Variants in ATP6V1A observed in about 807,000 individuals in gnomAD.
The protein encoded by ATP6V1A is V-type proton ATPase catalytic subunit A.
Under a neutral mutation model 70.1 loss-of-function variants are expected in ATP6V1A, and 18 were observed. The ratio of observed to expected loss-of-function variants is 0.26; its 90% CI spans 0.18 to 0.38. The LOEUF is 0.38. Ranked by LOEUF, ATP6V1A falls within the 10% of genes least tolerant of loss-of-function variation. The pLI is 1.00. For synonymous variants in ATP6V1A, 232 were observed against 253.8 expected (o/e 0.91, Z 0.82); for missense variants, 424 against 772.4 (o/e 0.55, Z 5.35).
At chr3:113,795,839 AT>A (rs774994951) in intron 10 of ATP6V1A, 36 bp from the exon 11 acceptor site, 95 of 1,519,376 alleles carry the variant, frequency 6.3e-5, no homozygotes, top group South Asian at 1.8e-4. Flanking sequence ...TCTAATGACC[AT>A]TTTTTTTGTA....
intron 1 of ATP6V1A, among the ~76,000 whole-genome samples, chr3:113,762,580 T>G (rs1348892765): frequency 6.7e-6 from 1 of 150,030 alleles, no homozygotes; most frequent in African/African-American, 2.4e-5. Context: ...AAAAAAAAAA[T>G]GGTAAAGTCA....
chr3:113,789,913 A>G, intron 8 of ATP6V1A, 73 bp downstream of exon 8: 1 of 1,133,826 alleles, frequency 8.8e-7, no homozygotes, highest in Non-Finnish European at 1.3e-6. Context: ...ACTTTTCTAA[A>G]GAGCTTTTTA....
At chr3:113,771,429 C>CTT (rs772278685) in intron 1 of ATP6V1A, among the ~76,000 whole-genome samples, 61 of 112,598 alleles carry the variant, frequency 5.4e-4, no homozygotes, top group African/African-American at 1.1e-3. Flanking sequence ...ATATTTTTCT[C>CTT]TTTTTTTTTT....
At chr3:113,780,956 A>G in intron 2 of ATP6V1A, 94 bp from the exon 3 acceptor site, 1 of 1,465,370 alleles carries the variant, frequency 6.8e-7, no homozygotes. Context: ...TGAGAGAGGC[A>G]CAATACTGGG....
At chr3:113,766,298 C>CT (rs1192756742) in intron 1 of ATP6V1A, among the ~76,000 whole-genome samples, 5 of 151,510 alleles carry the variant, frequency 3.3e-5, no homozygotes, top group Non-Finnish European at 7.4e-5. Flanking sequence ...CTCTCTCTTT[C>CT]TTTTTTTCGC....
Position 113,767,852 on chromosome 3 carries a change from C to T in ATP6V1A, c.-13-10889C>T, listed in dbSNP as rs187069295. Reference sequence around the variant, plus strand: ...ATTTTTAGTAGAGAGAGGGTTTCACCATCTTGGCCAGGCAAGTCTTGAACT... The same window carrying T: ...ATTTTTAGTAGAGAGAGGGTTTCACTATCTTGGCCAGGCAAGTCTTGAACT... On this transcript the variant is annotated intron_variant, in intron 1 of 14. Transcript: ENST00000273398. Among the ~76,000 whole-genome samples, 93 of 152,234 alleles carry T rather than the reference C, an allele frequency of 6.1e-4. 1 individual carries two copies. Among genetic ancestry groups the T allele is most frequent in the Non-Finnish European group, 7.9e-4 (54 of 68,008 alleles).
chr3:113,749,352 A>T (rs1036970857), intron 1 of ATP6V1A, among the ~76,000 whole-genome samples: 1 of 151,792 alleles, frequency 6.6e-6, no homozygotes, highest in South Asian at 2.1e-4. Flanking sequence ...TTATCAGTTT[A>T]TGAGTGTTAC....
intron 6 of ATP6V1A, 24 bp downstream of exon 6, chr3:113,786,407 A>G (rs1461248200): frequency 3.1e-6 from 5 of 1,610,920 alleles, no homozygotes; most frequent in Non-Finnish European, 4.2e-6. Context: ...GTGTCCCACG[A>G]TTTTCCCTCA....
At chr3:113,755,431 CAA>C (rs1184456240) in intron 1 of ATP6V1A, among the ~76,000 whole-genome samples, 41 of 38,066 alleles carry the variant, frequency 1.1e-3, no homozygotes, top group African/African-American at 2.6e-3. Flanking sequence ...CATGTCTGTA[CAA>C]AAAAAAAAAA....
intron 1 of ATP6V1A, 115 bp from the exon 2 acceptor site, chr3:113,778,625 TA>T: frequency 2.0e-6 from 1 of 509,534 alleles, no homozygotes; most frequent in Non-Finnish European, 3.3e-6. Flanking sequence ...AGAAGTATAA[TA>T]ACTCAAGAAT....
intron 12 of ATP6V1A, among the ~76,000 whole-genome samples, chr3:113,801,611 T>G (rs1709212800): frequency 2.0e-5 from 3 of 152,008 alleles, no homozygotes; most frequent in Admixed American, 6.6e-5. Flanking sequence ...TTTGTGATGG[T>G]GGGGAATTGG....
chr3:113,771,659 G>C (rs992233733), intron 1 of ATP6V1A, among the ~76,000 whole-genome samples: 8 of 151,912 alleles, frequency 5.3e-5, no homozygotes, highest in African/African-American at 1.7e-4. Context: ...GGATGGTCTC[G>C]ATCTCCTGAC....
intron 3 of ATP6V1A, 69 bp from the exon 4 acceptor site, chr3:113,784,155 A>G: frequency 7.0e-7 from 1 of 1,424,008 alleles, no homozygotes; most frequent in Non-Finnish European, 9.8e-7. Context: ...TCCTTGTTAA[A>G]CTGTGGTATT....
At chr3:113,772,809 A>T (rs532662930) in intron 1 of ATP6V1A, among the ~76,000 whole-genome samples, 1 of 151,864 alleles carries the variant, frequency 6.6e-6, no homozygotes, top group East Asian at 1.9e-4. Context: ...ATTATGAAAG[A>T]TGTGGTAAGA....
intron 8 of ATP6V1A, among the ~76,000 whole-genome samples, chr3:113,790,514 G>A (rs1389661269): frequency 6.6e-6 from 1 of 151,886 alleles, no homozygotes; most frequent in South Asian, 2.1e-4. Context: ...TATTTTGTCT[G>A]GGGATATAAA....
chr3:113,748,816 A>G (rs1434908095), intron 1 of ATP6V1A, among the ~76,000 whole-genome samples: 1 of 152,220 alleles, frequency 6.6e-6, no homozygotes, highest in African/African-American at 2.4e-5. Context: ...ACTGGACAAT[A>G]GACTAATGTA....
At chr3:113,799,525 T>A (rs139786095) in intron 12 of ATP6V1A, among the ~76,000 whole-genome samples, 93 of 152,300 alleles carry the variant, frequency 6.1e-4, no homozygotes, top group African/African-American at 2.1e-3. Flanking sequence ...AAGACCAGCA[T>A]GCCTAATCTC....
rs779728444 is a variant in ATP6V1A, at chr3:113,805,508, T to A, written c.1744T>A (p.Ser582Thr). 5 of 1,609,946 alleles carry A rather than the reference T, an allele frequency of 3.1e-6. No homozygotes were observed. In the Admixed American group the frequency reaches 5.1e-5, roughly 16 times the overall value. ...EHMGDILYKLSSMKFKDPLKD... is the reference protein window; with the variant it reads ...EHMGDILYKLTSMKFKDPLKD... The stretch of plus-strand genomic sequence containing the variant: ...CATGGGAGACATCCTCTATAAACTT[T>A]CCTCCATGAAATTCAAGGTATATTT... The change falls in exon 14 of 15, where the codon TCC (serine) becomes ACC (threonine). Residue 582 changes from serine to threonine, a missense_variant. Physicochemically the swap from Ser to Thr is moderately conservative, Grantham distance 58 (BLOSUM62 1). Coordinates refer to ENST00000273398, the MANE Select transcript of ATP6V1A (RefSeq NM_001690.4).
At chr3:113,763,506 G>T (rs1259974880) in intron 1 of ATP6V1A, among the ~76,000 whole-genome samples, 2 of 152,198 alleles carry the variant, frequency 1.3e-5, no homozygotes, top group African/African-American at 2.4e-5. Flanking sequence ...ACTGTATGCA[G>T]GTCTTTTGCC....
Sources: gnomAD v4.1 joint callset for allele counts (sites outside exome capture counted in the v4.1 genomes callset) on GRCh38, gnomAD v4.1.1 for gene constraint, MANE v1.5 for transcripts, NCBI Gene and HGNC (gene_info 2026-07-23, HGNC 2026-07-21) for gene names.